Variants in PHLPP1 observed in about 807,000 individuals in gnomAD.
The protein encoded by PHLPP1 is PH domain and leucine rich repeat protein phosphatase 1.
A neutral mutation model predicts 117.2 loss-of-function variants in PHLPP1; 42 were observed. The observed-to-expected ratio is 0.36, with a 90% confidence interval of 0.28 to 0.46. The LOEUF (loss-of-function observed/expected upper bound fraction) is 0.46, where lower values mean the gene tolerates loss of function less well. PHLPP1 is among the 20% of genes least tolerant of loss of function. The probability of loss-of-function intolerance (pLI) is 1.00; values close to 1 mark genes in which losing one functional copy is unlikely to be tolerated. For missense variants in PHLPP1, 2,084 were observed against 2,241.9 expected, an observed-to-expected ratio of 0.93 and a Z score of 1.42; for synonymous variants, 1,042 against 970.7, an observed-to-expected ratio of 1.07 and a Z score of -1.37.
intron 4 of PHLPP1, among the ~76,000 whole-genome samples, chr18:62,893,716 A>G (rs1916484369): frequency 6.6e-6 from 1 of 152,230 alleles, no homozygotes; most frequent in Non-Finnish European, 1.5e-5. Context: ...AGCATAACGC[A>G]GTCACTAATA....
At chr18:62,917,396 TTGTGTGTGTGTGTG>T (rs34407573) in intron 9 of PHLPP1, among the ~76,000 whole-genome samples, 5 of 141,440 alleles carry the variant, frequency 3.5e-5, no homozygotes, top group Non-Finnish European at 7.6e-5. Context: ...ACAGTATTCT[TTGTGTGTGTGTGTG>T]TGTGTGTGTG....
chr18:62,866,092 G>C (rs1243891937), intron 4 of PHLPP1, among the ~76,000 whole-genome samples: 2 of 152,168 alleles, frequency 1.3e-5, no homozygotes, highest in Non-Finnish European at 2.9e-5. Flanking sequence ...GGTCTATGGG[G>C]ATGTTAACTG....
At chr18:62,791,190 G>GATTT (rs1913446074) in intron 1 of PHLPP1, among the ~76,000 whole-genome samples, 2 of 151,988 alleles carry the variant, frequency 1.3e-5, no homozygotes, top group Admixed American at 1.3e-4. Flanking sequence ...AAATTTTGTG[G>GATTT]GATGATTGGA....
intron 1 of PHLPP1, among the ~76,000 whole-genome samples, chr18:62,762,243 A>G (rs1317789008): frequency 6.6e-6 from 1 of 151,344 alleles, no homozygotes; most frequent in Non-Finnish European, 1.5e-5. Flanking sequence ...ATTGAGTCCT[A>G]AAGAGGGAAT....
chr18:62,863,366 G>A (rs1486643825), intron 4 of PHLPP1, among the ~76,000 whole-genome samples: 2 of 152,058 alleles, frequency 1.3e-5, no homozygotes, highest in South Asian at 4.2e-4. Flanking sequence ...ACCACGCACA[G>A]CTAGAATTTA....
At position 62,979,319 on chromosome 18, in the gene PHLPP1, A is replaced by T; in HGVS notation, c.5042A>T (p.His1681Leu). The change falls in exon 17 of 17, where the codon CAC becomes CTC. Residue 1681 changes from histidine (H) to leucine (L), a missense_variant. His to Leu is a moderately conservative substitution (Grantham distance 99). Coordinates refer to ENST00000262719, the MANE Select transcript of PHLPP1 (RefSeq NM_194449.4). ...EEEVKEIMKH[H>L]QEQQQQQQPP... ...GAGGTCAAAGAAATCATGAAGCATC[A>T]CCAGGAGCAACAGCAGCAGCAGCAG... The T allele has an allele frequency of 6.4e-7, 1 of 1,553,110 alleles. No homozygotes were observed.
At chr18:62,754,494 A>C (rs994512089) in intron 1 of PHLPP1, among the ~76,000 whole-genome samples, 2 of 152,254 alleles carry the variant, frequency 1.3e-5, no homozygotes, top group African/African-American at 2.4e-5. Flanking sequence ...TAAGAGGAAC[A>C]AGAAGATTGC....
At chr18:62,966,799 CAT>C (rs1491101637) in intron 14 of PHLPP1, among the ~76,000 whole-genome samples, 2 of 152,168 alleles carry the variant, frequency 1.3e-5, no homozygotes, top group African/African-American at 2.4e-5. Context: ...AGAATATCAT[CAT>C]GTGTAACCAC....
At chr18:62,807,480 A>G (rs1028934903) in intron 1 of PHLPP1, among the ~76,000 whole-genome samples, 15 of 152,330 alleles carry the variant, frequency 9.8e-5, no homozygotes, top group African/African-American at 1.7e-4. Context: ...TATAAACCTA[A>G]AATAGGACTA....
chr18:62,932,365 T>G (rs1909841847), intron 10 of PHLPP1, among the ~76,000 whole-genome samples: 1 of 151,976 alleles, frequency 6.6e-6, no homozygotes, highest in African/African-American at 2.4e-5. Flanking sequence ...CACAAAAATC[T>G]TCATCAAATA....
rs188419060 is a variant in PHLPP1, at chr18:62,818,675, T to G, written c.1577-11360T>G. On this transcript the variant is annotated intron_variant, in intron 1 of 16. Transcript: ENST00000262719. ...AAAAGATAACAGGTGGAAATCTGGA[T>G]CTACATAAAGGAATGAAGAACAATG... 7.9e-5 allele frequency among the ~76,000 whole-genome samples: 12 copies of G among 152,322 alleles called. No individual in the cohort carries two copies. The South Asian group carries it at 2.1e-3, about 26-fold the overall frequency.
Position 62,980,017 on chromosome 18 carries a change from A to G in PHLPP1, c.*586A>G, listed in dbSNP as rs1911327943. The G allele has an allele frequency of 6.5e-6, 1 of 154,908 alleles. No individual in the cohort carries two copies. Among genetic ancestry groups the G allele is most frequent in the Non-Finnish European group, 1.4e-5 (1 of 69,770 alleles). 9.6% of individuals were successfully genotyped at this position (154,908 alleles called of 1,614,324 possible). A position where few individuals can be genotyped will look rare whatever the true frequency, so the allele number is the denominator to read the frequency against. On this transcript the variant is annotated 3_prime_UTR_variant, in exon 17 of 17. Transcript: ENST00000262719. ...AGCTGATTGAGAATTTCCATTGTAA[A>G]TAGCTCAGTGTTGTATAGTGAGGCT...
chr18:62,979,356 CCCTCAGCTCCAG>C lies in PHLPP1; in HGVS notation c.5082_5093del (p.Gln1697_Leu1700del). 1 of 1,547,452 alleles carries C rather than the reference CCCTCAGCTCCAG, an allele frequency of 6.5e-7. No homozygotes were observed. Among genetic ancestry groups the C allele is most frequent in the South Asian group, 1.2e-5 (1 of 84,026 alleles). ...AGCAGCAGCAGCAGCCGCCACCACCCCCTCAGCTCCAGCCGCAGCTGCCGCGGCACTACCAGC... is the reference window on the plus strand; with the variant it reads ...AGCAGCAGCAGCAGCCGCCACCACCCCCGCAGCTGCCGCGGCACTACCAGC... On this transcript the variant is annotated inframe_deletion, in exon 17 of 17. Transcript: ENST00000262719.
In PHLPP1 at chr18:62,836,481, AAAT is replaced by A. The variant is rs1286631179; in HGVS notation, c.1774-2300_1774-2298del. Among the ~76,000 whole-genome samples, 289 of 126,292 alleles carry A rather than the reference AAAT, an allele frequency of 2.3e-3. 2 individuals carry two copies. The highest frequency in any genetic ancestry group is 6.2e-3 in the African/African-American group (227 of 36,818). The allele number at this position is 126,292 out of a possible 152,430, so 82.9% of individuals were successfully genotyped here. ...TAAATAAATAAATAAATAAATAAATAAATAAAAATAAATTACTGGATTTTGATG... is the reference window on the plus strand; with the variant it reads ...TAAATAAATAAATAAATAAATAAATAAAAAATAAATTACTGGATTTTGATG... On this transcript the variant is annotated intron_variant, in intron 2 of 16. Transcript: ENST00000262719.
At chr18:62,740,069 G>T (rs1389686970) in intron 1 of PHLPP1, among the ~76,000 whole-genome samples, 1 of 146,236 alleles carries the variant, frequency 6.8e-6, no homozygotes, top group African/African-American at 2.5e-5. Context: ...TACAGGTTCG[G>T]CAATGCTTGC....
At chr18:62,914,689 G>GT (rs1199840528) in intron 8 of PHLPP1, among the ~76,000 whole-genome samples, 1 of 152,202 alleles carries the variant, frequency 6.6e-6, no homozygotes, top group Non-Finnish European at 1.5e-5. Context: ...TCCCATAGGC[G>GT]TGAGCCACTG....
chr18:62,892,066 T>TTTTC (rs1236667691), intron 4 of PHLPP1, among the ~76,000 whole-genome samples: 146 of 146,310 alleles, frequency 1.0e-3, no homozygotes, highest in African/African-American at 3.1e-3. Flanking sequence ...ATTTTCTTTC[T>TTTTC]TTTCTTTCTT....
chr18:62,955,845 A>G (rs1910596034), intron 12 of PHLPP1, among the ~76,000 whole-genome samples: 1 of 152,128 alleles, frequency 6.6e-6, no homozygotes, highest in African/African-American at 2.4e-5. Context: ...AATTACTCAC[A>G]CTTATTAGCT....
intron 10 of PHLPP1, among the ~76,000 whole-genome samples, chr18:62,939,073 C>T (rs1910056238): frequency 6.7e-6 from 1 of 149,270 alleles, no homozygotes; most frequent in Non-Finnish European, 1.5e-5. Flanking sequence ...TCATTGCAAC[C>T]TCTGCCTCCC....
Sources: allele counts gnomAD v4.1 joint callset (sites outside exome capture counted in the v4.1 genomes callset), GRCh38; gene constraint gnomAD v4.1.1; transcripts MANE v1.5; gene names NCBI Gene and HGNC (gene_info 2026-07-23, HGNC 2026-07-21).